Variants in SEC31B observed in about 807,000 individuals in gnomAD.
SEC31B encodes protein transport protein Sec31B.
SEC31B carries 113 observed loss-of-function variants against 135.0 expected under a neutral mutation model. That is an observed-to-expected ratio of 0.84 (90% confidence interval 0.72 to 0.98). The LOEUF (loss-of-function observed/expected upper bound fraction) is 0.98, where lower values mean the gene tolerates loss of function less well. Among genes scored for constraint, SEC31B ranks in the 50% least tolerant of loss-of-function variants. The probability of loss-of-function intolerance (pLI) is 0.00; values close to 1 mark genes in which losing one functional copy is unlikely to be tolerated. For synonymous variants in SEC31B, 508 were observed against 549.4 expected (o/e 0.92, Z 1.05); for missense variants, 1,296 against 1,421.1 (o/e 0.91, Z 1.42).
At position 100,489,252 on chromosome 10, in the gene SEC31B, C is replaced by T. The variant is rs1222989274; in HGVS notation, c.3171G>A (p.Gln1057=). ...PPGVPGELSL[Q]LQHLPPEKME... is the part of the protein sequence containing the mutation. ...GAGGGGAATACATTGTCCTTGTCACCTGCAGGCTGAGTTCTCCTGGAACTC... is the reference window on the plus strand; with the variant it reads ...GAGGGGAATACATTGTCCTTGTCACTTGCAGGCTGAGTTCTCCTGGAACTC... Residue 1057 remains glutamine, a splice_region_variant and synonymous_variant, in exon 23 of 26, where the codon CAG becomes CAA. Transcript: ENST00000370345. The T allele has an allele frequency of 1.2e-6, 2 of 1,606,258 alleles. No individual in the cohort carries two copies. The highest frequency in any genetic ancestry group is 1.7e-5 in the Admixed American group (1 of 57,760).
intron 3 of SEC31B, 136 bp downstream of exon 3, chr10:100,515,960 G>T: frequency 9.1e-7 from 1 of 1,095,140 alleles, no homozygotes; most frequent in Non-Finnish European, 1.3e-6. Context: ...AATAAGCCCA[G>T]AATTAACTTT....
intron 3 of SEC31B, among the ~76,000 whole-genome samples, chr10:100,512,996 A>G (rs1851762539): frequency 6.6e-6 from 1 of 152,326 alleles, no homozygotes; most frequent in South Asian, 2.1e-4. Context: ...ACAGAAAAAA[A>G]GAGAGAGGAA....
chr10:100,503,485 G>A (rs1851561516), intron 10 of SEC31B, among the ~76,000 whole-genome samples: 2 of 150,946 alleles, frequency 1.3e-5, no homozygotes, highest in East Asian at 2.0e-4. Context: ...CCAGGCTGGA[G>A]TATAATGGCG....
Position 100,498,702 on chromosome 10 carries a change from T to C in SEC31B, c.1684+3A>G, listed in dbSNP as rs755815556. ...CTCTCCCTCTCCCTCAGGGTCAGGG[T>C]ACCTTTTGTGATGGGGATCTCCCAA... On this transcript the variant is annotated splice_donor_region_variant and intron_variant, in intron 14 of 25. Transcript: ENST00000370345. 1.9e-5 allele frequency: 30 copies of C among 1,607,326 alleles called. No individual in the cohort carries two copies. The highest frequency in any genetic ancestry group is 2.4e-5 in the Non-Finnish European group (28 of 1,174,294).
chr10:100,499,094 G>A (rs1027298111), intron 13 of SEC31B, 66 bp downstream of exon 13: 1 of 1,328,100 alleles, frequency 7.5e-7, no homozygotes, highest in East Asian at 2.3e-5. Flanking sequence ...GCCAGGAAGG[G>A]AAAGATGCCC....
At position 100,515,308 on chromosome 10, in the gene SEC31B, G is replaced by A. The variant is rs375119359; in HGVS notation, c.203+788C>T. 1.7e-4 allele frequency among the ~76,000 whole-genome samples: 26 copies of A among 152,088 alleles called. No homozygotes were observed. The South Asian group carries it at 3.7e-3, about 22-fold the overall frequency. On this transcript the variant is annotated intron_variant, in intron 3 of 25. Transcript: ENST00000370345. Reference sequence around the variant, plus strand: ...CCCTGTTCCAAACAAAAACAAAAACGGTATAGTAGTACATGTATACATTTA... The same window carrying A: ...CCCTGTTCCAAACAAAAACAAAAACAGTATAGTAGTACATGTATACATTTA...
chr10:100,502,161 C>T, intron 11 of SEC31B, 93 bp downstream of exon 11: 1 of 922,940 alleles, frequency 1.1e-6, no homozygotes, highest in Non-Finnish European at 1.7e-6. Flanking sequence ...GATCTGGGTC[C>T]CAGTGTGCTT....
chr10:100,492,114 T>G (rs1432382053), intron 19 of SEC31B, among the ~76,000 whole-genome samples: 3 of 152,248 alleles, frequency 2.0e-5, no homozygotes, highest in Non-Finnish European at 4.4e-5. Context: ...ATGTCCTTGG[T>G]CTCATAAAGA....
intron 10 of SEC31B, among the ~76,000 whole-genome samples, chr10:100,504,685 G>A (rs771158684): frequency 1.3e-5 from 2 of 152,048 alleles, no homozygotes; most frequent in African/African-American, 2.4e-5. Flanking sequence ...CAAAGTATAA[G>A]TCTGTGGGAT....
intron 19 of SEC31B, among the ~76,000 whole-genome samples, chr10:100,494,058 T>C (rs1016243668): frequency 6.7e-6 from 1 of 148,608 alleles, no homozygotes; most frequent in Non-Finnish European, 1.5e-5. Flanking sequence ...AGGGTGGGGA[T>C]TGAAGGTGGG....
At chr10:100,504,811 T>G (rs1275580664) in intron 10 of SEC31B, among the ~76,000 whole-genome samples, 2 of 151,622 alleles carry the variant, frequency 1.3e-5, no homozygotes, top group African/African-American at 4.9e-5. Flanking sequence ...GGAGAGAAGC[T>G]GAAGGTTAGG....
At chr10:100,493,059 C>T (rs1254112683) in intron 19 of SEC31B, among the ~76,000 whole-genome samples, 2 of 152,090 alleles carry the variant, frequency 1.3e-5, no homozygotes, top group East Asian at 3.8e-4. Flanking sequence ...GAATGTCCTT[C>T]AAAGTTTGAA....
At chr10:100,509,728 G>A (rs1589739725) in intron 3 of SEC31B, among the ~76,000 whole-genome samples, 1 of 152,104 alleles carries the variant, frequency 6.6e-6, no homozygotes, top group Admixed American at 6.5e-5. Flanking sequence ...CAGAAGCCAG[G>A]AAGCCACTGC....
In SEC31B at chr10:100,497,790, G is replaced by A. The variant is rs148959741; in HGVS notation, c.1867C>T (p.Leu623=). The stretch of plus-strand genomic sequence containing the variant: ...CAATTCTTTTGCACAACACAGGCTA[G>A]AAGCTGTAATGGGCAGAGAGGGAAA... ...AKKKTKISSL[L]ACVVQKNWKD... Residue 623 remains leucine (L), a synonymous_variant, in exon 16 of 26, where the codon CTA becomes TTA. Transcript: ENST00000370345. The A allele has an allele frequency of 7.6e-5, 123 of 1,614,244 alleles. 2 individuals carry two copies. The African/African-American group carries it at 1.5e-3, about 20-fold the overall frequency.
rs568153698 is a variant in SEC31B, at chr10:100,509,663, T to C, written c.204-152A>G. The C allele has an allele frequency of 3.1e-5, 19 of 617,794 alleles. No individual in the cohort carries two copies. In the African/African-American group the frequency reaches 3.3e-4, roughly 11 times the overall value. 38.3% of individuals were successfully genotyped at this position (617,794 alleles called of 1,614,324 possible). ...CTTCATTTCCCAGACAGAAGGGATG[T>C]ATCCTCCGCCCAGTCCTGCCCTTTC... On this transcript the variant is annotated intron_variant, in intron 3 of 25. Transcript: ENST00000370345.
chr10:100,507,770 T>G (rs4919467), intron 6 of SEC31B, 138 bp downstream of exon 6: 1 of 1,335,442 alleles, frequency 7.5e-7, no homozygotes, highest in Non-Finnish European at 1.0e-6. Flanking sequence ...TCACTCTCAA[T>G]AGGAAATGTG....
intron 10 of SEC31B, among the ~76,000 whole-genome samples, chr10:100,504,785 G>A (rs938715254): frequency 6.6e-6 from 1 of 151,974 alleles, no homozygotes; most frequent in Non-Finnish European, 1.5e-5. Context: ...GGCTGTGGTA[G>A]CATTCAATGG....
rs768459185 is a variant in SEC31B at position 100,487,518 on chromosome 10, G to C, written c.*98C>G. ...ATACCTGGCAGCAAGGAAAAGAGTC[G>C]GGAAAAAGAAACAGAATCTGTTGCA... On this transcript the variant is annotated 3_prime_UTR_variant, in exon 26 of 26. Coordinates refer to ENST00000370345, the MANE Select transcript of SEC31B (RefSeq NM_015490.4). The C allele has an allele frequency of 8.4e-7, 1 of 1,189,824 alleles. No individual in the cohort carries two copies. Among genetic ancestry groups the C allele is most frequent in the South Asian group, 1.4e-5 (1 of 71,262 alleles). 73.7% of individuals were successfully genotyped at this position (1,189,824 alleles called of 1,614,324 possible).
At chr10:100,492,952 G>C (rs190842168) in intron 19 of SEC31B, among the ~76,000 whole-genome samples, 9 of 152,346 alleles carry the variant, frequency 5.9e-5, no homozygotes, top group Admixed American at 2.0e-4. Flanking sequence ...CACATTCATG[G>C]ACTGAAAGAC....
Sources: gnomAD v4.1 joint callset for allele counts (sites outside exome capture counted in the v4.1 genomes callset) on GRCh38, gnomAD v4.1.1 for gene constraint, MANE v1.5 for transcripts, NCBI Gene and HGNC (gene_info 2026-07-23, HGNC 2026-07-21) for gene names.